Variants in OPCML observed in about 807,000 individuals in gnomAD.
OPCML encodes the protein opioid binding protein/cell adhesion molecule like, also known as opioid-binding protein/cell adhesion molecule.
A neutral mutation model predicts 37.8 loss-of-function variants in OPCML; 13 were observed. The ratio of observed to expected loss-of-function variants is 0.34; its 90% CI spans 0.22 to 0.55. OPCML has a LOEUF of 0.55. OPCML is among the 20% of genes least tolerant of loss of function. OPCML has a pLI of 0.91. For synonymous variants in OPCML, 176 were observed against 168.8 expected (o/e 1.04, Z -0.33); for missense variants, 341 against 435.6 (o/e 0.78, Z 1.93).
In OPCML at chr11:132,572,984, C is replaced by T. The variant is rs1271162211; in HGVS notation, c.380-43798G>A. ...TTCACCTCTATAGTTAAGTTTATTC[C>T]CAAGTATTTCAATTTTTTGATGTTA... On this transcript the variant is annotated intron_variant, in intron 3 of 7. Coordinates refer to ENST00000524381, the MANE Select transcript of OPCML (RefSeq NM_001012393.5). 4.6e-5 allele frequency among the ~76,000 whole-genome samples: 7 copies of T among 151,230 alleles called. No homozygotes were observed. The East Asian group carries it at 1.4e-3, about 29-fold the overall frequency.
intron 1 of OPCML, among the ~76,000 whole-genome samples, chr11:133,131,802 C>A (rs1332258050): frequency 6.6e-6 from 1 of 152,110 alleles, no homozygotes; most frequent in Non-Finnish European, 1.5e-5. Context: ...ATTGTATGTT[C>A]TTTTTGTCTT....
At chr11:133,237,276 G>T (rs565806407) in intron 1 of OPCML, among the ~76,000 whole-genome samples, 2 of 152,194 alleles carry the variant, frequency 1.3e-5, no homozygotes, top group Non-Finnish European at 2.9e-5. Context: ...ACCCTGGGGT[G>T]GGGGGTGGAG....
chr11:132,789,530 A>G (rs772277678), intron 2 of OPCML, among the ~76,000 whole-genome samples: 12 of 152,366 alleles, frequency 7.9e-5, no homozygotes, highest in Non-Finnish European at 1.6e-4. Flanking sequence ...TACTGACATC[A>G]GCAGGGGGCC....
At chr11:133,448,655 A>T (rs1337365579) in intron 1 of OPCML, among the ~76,000 whole-genome samples, 1 of 152,080 alleles carries the variant, frequency 6.6e-6, no homozygotes, top group Non-Finnish European at 1.5e-5. Flanking sequence ...ATGGGGTTTC[A>T]CCATGTTGGC....
chr11:133,464,177 C>G (rs1946924324), intron 1 of OPCML, among the ~76,000 whole-genome samples: 1 of 152,142 alleles, frequency 6.6e-6, no homozygotes. Flanking sequence ...TCTTTAACAC[C>G]TGAAAATGTT....
intron 1 of OPCML, among the ~76,000 whole-genome samples, chr11:133,118,731 T>A (rs1169626543): frequency 6.6e-6 from 1 of 151,934 alleles, no homozygotes; most frequent in Non-Finnish European, 1.5e-5. Flanking sequence ...AGCTCTGCAG[T>A]TCTTCCTTGA....
rs560247121 is a variant in OPCML, at chr11:133,221,282, G to C, written c.62-278272C>G. Reference sequence around the variant, plus strand: ...TCTGCAGAGTGACTTGGTCGAAGCAGGTTGGTTCGTAGGGAAAGCTGGGTC... The same window carrying C: ...TCTGCAGAGTGACTTGGTCGAAGCACGTTGGTTCGTAGGGAAAGCTGGGTC... On this transcript the variant is annotated intron_variant, in intron 1 of 7. Transcript: ENST00000524381. Among the ~76,000 whole-genome samples, 50 of 152,330 alleles carry C rather than the reference G, an allele frequency of 3.3e-4. No homozygotes were observed. The South Asian group carries it at 7.9e-3, about 24-fold the overall frequency.
At chr11:132,549,243 A>C (rs1175681580) in intron 3 of OPCML, among the ~76,000 whole-genome samples, 1 of 152,180 alleles carries the variant, frequency 6.6e-6, no homozygotes, top group Non-Finnish European at 1.5e-5. Flanking sequence ...AGCATGCTAA[A>C]AGACACTCTG....
At chr11:132,607,801 A>G (rs971586185) in intron 3 of OPCML, among the ~76,000 whole-genome samples, 13 of 152,204 alleles carry the variant, frequency 8.5e-5, no homozygotes, top group Admixed American at 3.3e-4. Context: ...TCTTACTCAT[A>G]TATGGGTCTC....
At chr11:133,207,262 T>C (rs920143260) in intron 1 of OPCML, among the ~76,000 whole-genome samples, 1 of 152,044 alleles carries the variant, frequency 6.6e-6, no homozygotes, top group Non-Finnish European at 1.5e-5. Context: ...ATCAAGCCAC[T>C]GCCCTCCAGC....
At chr11:132,517,268 A>G (rs2096282050) in intron 4 of OPCML, among the ~76,000 whole-genome samples, 1 of 152,142 alleles carries the variant, frequency 6.6e-6, no homozygotes, top group African/African-American at 2.4e-5. Context: ...TACCCTAGGG[A>G]TGTAGAGATT....
At chr11:133,042,647 G>T (rs1947928337) in intron 1 of OPCML, among the ~76,000 whole-genome samples, 1 of 152,174 alleles carries the variant, frequency 6.6e-6, no homozygotes, top group African/African-American at 2.4e-5. Flanking sequence ...CTATTACCCT[G>T]TTCCTTTTGG....
chr11:133,447,713 A>G (rs1034643030), intron 1 of OPCML, among the ~76,000 whole-genome samples: 1 of 152,192 alleles, frequency 6.6e-6, no homozygotes, highest in African/African-American at 2.4e-5. Flanking sequence ...ATTCTTTTTC[A>G]TAGCTGCATA....
intron 1 of OPCML, among the ~76,000 whole-genome samples, chr11:132,948,369 C>T (rs1401904772): frequency 6.6e-6 from 1 of 152,180 alleles, no homozygotes; most frequent in African/African-American, 2.4e-5. Flanking sequence ...CAAACTTCAG[C>T]AAGCTTAGGA....
intron 2 of OPCML, among the ~76,000 whole-genome samples, chr11:132,894,741 T>C (rs1238432005): frequency 6.6e-6 from 1 of 152,192 alleles, no homozygotes; most frequent in Non-Finnish European, 1.5e-5. Flanking sequence ...GGAGCTTGGA[T>C]ACACTCTTAT....
intron 1 of OPCML, among the ~76,000 whole-genome samples, chr11:133,115,239 T>A (rs924807162): frequency 2.6e-5 from 4 of 152,240 alleles, no homozygotes; most frequent in African/African-American, 9.6e-5. Flanking sequence ...TCTAGGATCA[T>A]GAAGCCTCAT....
intron 4 of OPCML, among the ~76,000 whole-genome samples, chr11:132,526,998 T>A (rs2096310266): frequency 6.6e-6 from 1 of 152,174 alleles, no homozygotes; most frequent in African/African-American, 2.4e-5. Context: ...TATTTTTTAA[T>A]TTTTAGCTTA....
rs79695298 is a variant in OPCML, at chr11:132,678,688, C to T, written c.147-21369G>A. ...TGACATTCTAGAAAAGGAAAAACTA[C>T]GGAAACAGAAAAACCATCAGTGGCT... is the stretch of plus-strand genomic sequence containing the variant. On this transcript the variant is annotated intron_variant, in intron 2 of 7. Transcript: ENST00000524381. Among the ~76,000 whole-genome samples the T allele has an allele frequency of 2.5e-3, 386 of 152,208 alleles. 2 individuals carry two copies. The highest frequency in any genetic ancestry group is 4.1e-3 in the Admixed American group (63 of 15,296).
At chr11:133,262,198 C>T (rs1019426041) in intron 1 of OPCML, among the ~76,000 whole-genome samples, 38 of 152,254 alleles carry the variant, frequency 2.5e-4, no homozygotes, top group Non-Finnish European at 3.4e-4. Flanking sequence ...ACATATTTGA[C>T]GTTTTTGTGT....
Sources: gnomAD v4.1 joint callset for allele counts (sites outside exome capture counted in the v4.1 genomes callset) on GRCh38, gnomAD v4.1.1 for gene constraint, MANE v1.5 for transcripts, NCBI Gene and HGNC (gene_info 2026-07-23, HGNC 2026-07-21) for gene names.